CC2D2B: variants seen among roughly 807,000 people sequenced by gnomAD.
CC2D2B encodes coiled-coil and C2 domain containing 2B.
CC2D2B carries 128 observed loss-of-function variants against 161.2 expected under a neutral mutation model. That is an observed-to-expected ratio of 0.79 (90% CI 0.69 to 0.92). CC2D2B has a LOEUF of 0.92. Ranked by LOEUF, CC2D2B falls within the 40% of genes least tolerant of loss-of-function variation. CC2D2B has a pLI of 0.00. For missense variants in CC2D2B, 1,173 were observed against 1,375.1 expected (o/e 0.85, Z 2.32); for synonymous variants, 391 against 449.8 (o/e 0.87, Z 1.65).
chr10:95,951,138 A>G (rs536938935), intron 10 of CC2D2B, among the ~76,000 whole-genome samples: 3 of 151,102 alleles, frequency 2.0e-5, no homozygotes, highest in East Asian at 4.0e-4. Flanking sequence ...TTTTTAAAAT[A>G]TAAGTTTAAA....
intron 9 of CC2D2B, among the ~76,000 whole-genome samples, chr10:95,947,529 G>A (rs905611068): frequency 1.3e-5 from 2 of 151,976 alleles, no homozygotes; most frequent in Non-Finnish European, 2.9e-5. Context: ...AGATCACGAG[G>A]TCAGGAGATC....
rs372192636 is a variant in CC2D2B, at chr10:96,031,980, A to G, written c.4286A>G (p.Tyr1429Cys). Residue 1429 changes from tyrosine (Y) to cysteine (C), a missense_variant, in exon 35 of 35, where the codon TAT becomes TGT. Tyr to Cys is a radical substitution (Grantham distance 194). Coordinates refer to ENST00000646931, the MANE Select transcript of CC2D2B (RefSeq NM_001349008.3). ...YPNNILSVWV[Y>C]LASLVQHQ ...AACAACATATTATCTGTGTGGGTCTATTTGGCTTCCTTAGTTCAACATCAA... is the reference window on the plus strand; with the variant it reads ...AACAACATATTATCTGTGTGGGTCTGTTTGGCTTCCTTAGTTCAACATCAA... 1.1e-4 allele frequency: 181 copies of G among 1,613,264 alleles called. No homozygotes were observed. Among genetic ancestry groups the G allele is most frequent in the Admixed American group, 3.3e-4 (20 of 59,908 alleles).
At chr10:96,014,876 C>A (rs1028799786) in intron 29 of CC2D2B, among the ~76,000 whole-genome samples, 5 of 152,168 alleles carry the variant, frequency 3.3e-5, no homozygotes, top group African/African-American at 7.2e-5. Context: ...CTCCCTAACC[C>A]CCATCCTTCA....
intron 19 of CC2D2B, among the ~76,000 whole-genome samples, chr10:95,984,881 A>C (rs1235296820): frequency 6.6e-6 from 1 of 152,100 alleles, no homozygotes; most frequent in Non-Finnish European, 1.5e-5. Flanking sequence ...AAAAAAAAAA[A>C]ATTACACACA....
intron 6 of CC2D2B, among the ~76,000 whole-genome samples, chr10:95,928,765 A>G (rs1280837062): frequency 4.0e-5 from 6 of 150,566 alleles, no homozygotes; most frequent in Admixed American, 1.3e-4. Flanking sequence ...ATAGTATTCC[A>G]TGGTGTATGT....
At chr10:95,967,458 T>C (rs1421478304) in intron 14 of CC2D2B, among the ~76,000 whole-genome samples, 3 of 149,178 alleles carry the variant, frequency 2.0e-5, no homozygotes, top group Non-Finnish European at 4.4e-5. Flanking sequence ...ATAGCATTGC[T>C]GTCATCTATT....
At chr10:95,942,242 A>G (rs1049897674) in intron 9 of CC2D2B, among the ~76,000 whole-genome samples, 3 of 152,204 alleles carry the variant, frequency 2.0e-5, no homozygotes, top group African/African-American at 7.2e-5. Flanking sequence ...CTAGGGATCT[A>G]TGGTACAACA....
Position 95,962,661 on chromosome 10 carries a change from T to G in CC2D2B, c.1250+692T>G, listed in dbSNP as rs535535076. ...TAACTAATTTTCTCCCCACAACCCA[T>G]TGTCCTGGGTCTTTTGGTTTTCAAA... On this transcript the variant is annotated intron_variant, in intron 12 of 34. Coordinates refer to ENST00000646931, the MANE Select transcript of CC2D2B (RefSeq NM_001349008.3). Among the ~76,000 whole-genome samples the G allele has an allele frequency of 3.3e-5, 5 of 152,248 alleles. No individual in the cohort carries two copies. The South Asian group carries it at 6.2e-4, about 19-fold the overall frequency.
Position 96,032,788 on chromosome 10 carries a change from T to C in CC2D2B, c.*780T>C, listed in dbSNP as rs1310143897. ...GAAGGAACTCCCAGGAAACTCTAAT[T>C]TCTCCCAATTCTGTGAGGGAGGAAA... is the stretch of plus-strand genomic sequence containing the variant. On this transcript the variant is annotated 3_prime_UTR_variant, in exon 35 of 35. Coordinates refer to ENST00000646931, the MANE Select transcript of CC2D2B (RefSeq NM_001349008.3). 2 of 470,170 alleles carry C rather than the reference T, an allele frequency of 4.3e-6. No homozygotes were observed. The highest frequency in any genetic ancestry group is 8.8e-6 in the Non-Finnish European group (2 of 226,668). The allele number at this position is 470,170 out of a possible 1,614,324, so 29.1% of individuals were successfully genotyped here. A position where few individuals can be genotyped will look rare whatever the true frequency, so the allele number is the denominator to read the frequency against.
intron 17 of CC2D2B, among the ~76,000 whole-genome samples, chr10:95,974,499 A>G (rs958676304): frequency 6.6e-6 from 1 of 152,180 alleles, no homozygotes; most frequent in Non-Finnish European, 1.5e-5. Flanking sequence ...TTTATGCATT[A>G]TCATCATTCT....
At chr10:95,947,933 A>G (rs1358006387) in intron 9 of CC2D2B, among the ~76,000 whole-genome samples, 2 of 152,214 alleles carry the variant, frequency 1.3e-5, no homozygotes, top group Non-Finnish European at 1.5e-5. Flanking sequence ...ATAATTTCCC[A>G]GAGGATCACC....
chr10:95,961,905 C>G lies in CC2D2B; in HGVS notation c.1186C>G (p.Gln396Glu). The G allele has an allele frequency of 8.1e-7, 1 of 1,231,342 alleles. No individual in the cohort carries two copies. The highest frequency in any genetic ancestry group is 1.0e-6 in the Non-Finnish European group (1 of 987,392). The allele number at this position is 1,231,342 out of a possible 1,614,324, so 76.3% of individuals were successfully genotyped here. A position where few individuals can be genotyped will look rare whatever the true frequency, so the allele number is the denominator to read the frequency against. The change falls in exon 12 of 35, where the codon CAG becomes GAG. Residue 396 changes from glutamine (Q) to glutamate (E), a missense_variant. Transcript: ENST00000646931. ...LLHSILRTWK[Q>E]IKSLRHGQGF... ...ACACAGTATATTACGAACTTGGAAA[C>G]AGATTAAATCTCTTCGACATGGGCA...
At chr10:95,995,423 A>G (rs1018476878) in intron 23 of CC2D2B, 58 bp downstream of exon 23, 36 of 860,816 alleles carry the variant, frequency 4.2e-5, no homozygotes, top group African/African-American at 1.9e-4. Flanking sequence ...CTGAATTACA[A>G]TTGACTCTTA....
chr10:96,016,813 C>T (rs144629401), intron 30 of CC2D2B, among the ~76,000 whole-genome samples: 81 of 152,254 alleles, frequency 5.3e-4, no homozygotes, highest in African/African-American at 1.6e-3. Context: ...CTCTGCCTCC[C>T]GCGTTCTAGT....
Position 95,972,221 on chromosome 10 carries a change from G to C in CC2D2B, c.1795+5G>C, listed in dbSNP as rs1410232079. ...CCGATGGAGAAGTAGGAAGCAGTGA[G>C]TTTATTAAAAATATTACATTCCCCC... On this transcript the variant is annotated splice_donor_5th_base_variant and intron_variant, in intron 16 of 34. Coordinates refer to ENST00000646931, the MANE Select transcript of CC2D2B (RefSeq NM_001349008.3). The C allele has an allele frequency of 4.1e-6, 5 of 1,231,606 alleles. No homozygotes were observed. In the East Asian group the frequency reaches 1.6e-4, roughly 39 times the overall value. The allele number at this position is 1,231,606 out of a possible 1,614,324, so 76.3% of individuals were successfully genotyped here.
intron 17 of CC2D2B, among the ~76,000 whole-genome samples, chr10:95,974,934 A>T (rs1316466659): frequency 1.3e-5 from 2 of 152,218 alleles, no homozygotes; most frequent in Non-Finnish European, 2.9e-5. Context: ...GTCATTACAC[A>T]GTTGTCAAAA....
intron 32 of CC2D2B, 41 bp from the exon 33 acceptor site, chr10:96,024,812 T>C: frequency 8.5e-7 from 1 of 1,179,282 alleles, no homozygotes; most frequent in Middle Eastern, 1.9e-4. Context: ...GATGTAAACA[T>C]GGTCTCTAGA....
chr10:95,995,218 C>T, intron 22 of CC2D2B, 51 bp from the exon 23 acceptor site: 4 of 1,080,292 alleles, frequency 3.7e-6, no homozygotes, highest in Non-Finnish European at 5.2e-6. Flanking sequence ...CCTACCAAAA[C>T]TAATATTAAA....
chr10:95,927,271 GTCTT>G lies in CC2D2B; in HGVS notation c.278_281del (p.Leu93HisfsTer5). 2 of 1,551,230 alleles carry G rather than the reference GTCTT, an allele frequency of 1.3e-6. No homozygotes were observed. Among genetic ancestry groups the G allele is most frequent in the African/African-American group, 1.4e-5 (1 of 73,120 alleles). ...CAGACTGAAGTCTCATTGGATGAAA[GTCTT>G]TCATTTTTCATTCTGAGTGGTGAAG... is the stretch of plus-strand genomic sequence containing the variant. On this transcript the variant is annotated frameshift_variant, in exon 6 of 35. Coordinates refer to ENST00000646931, the MANE Select transcript of CC2D2B (RefSeq NM_001349008.3). LOFTEE classifies it high-confidence loss of function.
Sources: allele counts gnomAD v4.1 joint callset (sites outside exome capture counted in the v4.1 genomes callset), GRCh38; gene constraint gnomAD v4.1.1; transcripts MANE v1.5; gene names NCBI Gene and HGNC (gene_info 2026-07-23, HGNC 2026-07-21).